PARD3: variants seen among roughly 807,000 people sequenced by gnomAD.
PARD3 encodes par-3 family cell polarity regulator, also known as partitioning defective 3 homolog.
PARD3 carries 75 observed loss-of-function variants against 155.4 expected under a neutral mutation model. The ratio of observed to expected loss-of-function variants is 0.48; its 90% confidence interval spans 0.40 to 0.58. PARD3 has a LOEUF of 0.58. PARD3 is among the 20% of genes least tolerant of loss of function. The probability of loss-of-function intolerance (pLI) is 0.00; values close to 1 mark genes in which losing one functional copy is unlikely to be tolerated. For missense variants in PARD3, 1,642 were observed against 1,721.7 expected (o/e 0.95, Z 0.82); for synonymous variants, 576 against 610.5 (o/e 0.94, Z 0.83).
intron 14 of PARD3, among the ~76,000 whole-genome samples, chr10:34,353,390 G>A (rs1838404982): frequency 6.6e-6 from 1 of 152,170 alleles, no homozygotes; most frequent in South Asian, 2.1e-4. Context: ...CTTCTGCCTT[G>A]GGATGCTGTT....
intron 23 of PARD3, among the ~76,000 whole-genome samples, chr10:34,123,830 AT>A (rs1283380120): frequency 6.6e-6 from 1 of 152,222 alleles, no homozygotes; most frequent in African/African-American, 2.4e-5. Context: ...AAAACGAAAT[AT>A]TTAATAGACA....
chr10:34,111,330 A>T lies in PARD3; in HGVS notation c.3901T>A (p.Ser1301Thr), dbSNP rs1946371239. The T allele has an allele frequency of 6.2e-7, 1 of 1,613,720 alleles. No homozygotes were observed. Among genetic ancestry groups the T allele is most frequent in the Admixed American group, 1.7e-5 (1 of 59,986 alleles). ...KEQQMKKQPP[S>T]EGPSNYDSYK... Reference sequence around the variant, plus strand: ...GAGTCATAGTTGCTGGGCCCCTCGGAAGGAGGCTGCTTCTTCATCTGCTGC... The same window carrying T: ...GAGTCATAGTTGCTGGGCCCCTCGGTAGGAGGCTGCTTCTTCATCTGCTGC... Residue 1301 changes from serine (S) to threonine (T), a missense_variant, in exon 25 of 25, where the codon TCC becomes ACC. By Grantham distance (58) the Ser-to-Thr change is moderately conservative. Around this residue, in one of 3 missense-constraint regions of PARD3, gnomAD observed 1,529 missense variants for 1,587.3 expected, o/e 0.96. Coordinates refer to ENST00000374788, the MANE Select transcript of PARD3 (RefSeq NM_001184785.2).
At chr10:34,130,069 A>G (rs1377589816) in intron 23 of PARD3, among the ~76,000 whole-genome samples, 1 of 152,092 alleles carries the variant, frequency 6.6e-6, no homozygotes, top group African/African-American at 2.4e-5. Context: ...TGTCAACTTT[A>G]TGGACACTAA....
intron 1 of PARD3, among the ~76,000 whole-genome samples, chr10:34,714,217 T>G (rs951986590): frequency 6.6e-6 from 1 of 152,166 alleles, no homozygotes; most frequent in African/African-American, 2.4e-5. Flanking sequence ...ATGACCTGAT[T>G]TTTCACAAAG....
chr10:34,298,359 C>A (rs533112834), intron 20 of PARD3, among the ~76,000 whole-genome samples: 3 of 151,986 alleles, frequency 2.0e-5, no homozygotes, highest in African/African-American at 7.3e-5. Flanking sequence ...CGTGCATCGA[C>A]GTGGGAATGG....
At chr10:34,312,076 T>A (rs1415952156) in intron 20 of PARD3, among the ~76,000 whole-genome samples, 1 of 152,124 alleles carries the variant, frequency 6.6e-6, no homozygotes, top group African/African-American at 2.4e-5. Context: ...GGACTATGGT[T>A]TTCCACTATG....
chr10:34,246,599 T>A lies in PARD3; in HGVS notation c.3419+23058A>T, dbSNP rs149141400. Among the ~76,000 whole-genome samples, 885 of 152,224 alleles carry A rather than the reference T, an allele frequency of 5.8e-3. 13 individuals are homozygous for A. Among genetic ancestry groups the A allele is most frequent in the African/African-American group, 0.02 (841 of 41,532 alleles). On this transcript the variant is annotated intron_variant, in intron 22 of 24. Coordinates refer to ENST00000374788, the MANE Select transcript of PARD3 (RefSeq NM_001184785.2). The stretch of plus-strand genomic sequence containing the variant: ...GAGCTCCAGAAATCAGCACGGGCCC[T>A]CTTCAGTCTTTGATTCCCACCCTGG...
intron 1 of PARD3, among the ~76,000 whole-genome samples, chr10:34,795,013 G>A (rs1268877517): frequency 6.6e-6 from 1 of 152,228 alleles, no homozygotes. Flanking sequence ...TGACTAATTT[G>A]GCAAATAGAA....
At chr10:34,520,435 C>T (rs1564804887) in intron 2 of PARD3, among the ~76,000 whole-genome samples, 2 of 151,238 alleles carry the variant, frequency 1.3e-5, no homozygotes, top group African/African-American at 4.9e-5. Context: ...TTAATAGTTA[C>T]AAAAAAAAGG....
intron 2 of PARD3, among the ~76,000 whole-genome samples, chr10:34,595,008 A>C (rs981890253): frequency 6.6e-6 from 1 of 152,196 alleles, no homozygotes; most frequent in Non-Finnish European, 1.5e-5. Flanking sequence ...GACAGAGCTC[A>C]GCTACAGTAG....
At position 34,460,337 on chromosome 10, in the gene PARD3, G is replaced by A. The variant is rs75898074; in HGVS notation, c.582+9748C>T. 1.2e-4 allele frequency among the ~76,000 whole-genome samples: 19 copies of A among 152,038 alleles called. No individual in the cohort carries two copies. The East Asian group carries it at 3.5e-3, about 28-fold the overall frequency. ...AAAAAAACACAATCTAACTAAAGTC[G>A]AAATAAAACAGATATTGCAACAAGA... On this transcript the variant is annotated intron_variant, in intron 4 of 24. Coordinates refer to ENST00000374788, the MANE Select transcript of PARD3 (RefSeq NM_001184785.2).
chr10:34,481,990 C>T (rs2133211851), intron 3 of PARD3, among the ~76,000 whole-genome samples: 1 of 151,092 alleles, frequency 6.6e-6, no homozygotes, highest in East Asian at 2.0e-4. Context: ...CCCCACCATG[C>T]TCAGCTACAG....
chr10:34,440,720 T>G (rs1207714160), intron 5 of PARD3, among the ~76,000 whole-genome samples: 1 of 152,034 alleles, frequency 6.6e-6, no homozygotes, highest in Non-Finnish European at 1.5e-5. Flanking sequence ...GTTGTAAAAT[T>G]TGTTTTAAAG....
chr10:34,421,596 C>T (rs1564694867), intron 5 of PARD3, among the ~76,000 whole-genome samples: 1 of 152,062 alleles, frequency 6.6e-6, no homozygotes, highest in Non-Finnish European at 1.5e-5. Flanking sequence ...TTCCTAGCTG[C>T]AAGCTCATTA....
At chr10:34,286,556 G>A (rs762382434) in intron 20 of PARD3, among the ~76,000 whole-genome samples, 18 of 152,244 alleles carry the variant, frequency 1.2e-4, no homozygotes, top group Non-Finnish European at 2.4e-4. Flanking sequence ...AAGGCCCTGA[G>A]ACACAGGCAG....
intron 3 of PARD3, among the ~76,000 whole-genome samples, chr10:34,497,451 CAGG>C (rs1246611772): frequency 6.6e-6 from 1 of 152,158 alleles, no homozygotes; most frequent in Non-Finnish European, 1.5e-5. Context: ...TTGGTATCTG[CAGG>C]AGTTCCTGGA....
intron 20 of PARD3, among the ~76,000 whole-genome samples, chr10:34,284,981 C>T (rs1479659689): frequency 6.6e-6 from 1 of 152,160 alleles, no homozygotes; most frequent in Non-Finnish European, 1.5e-5. Flanking sequence ...AAAACACTAA[C>T]ATTATTCTCT....
At chr10:34,656,411 A>G (rs1227082130) in intron 2 of PARD3, among the ~76,000 whole-genome samples, 2 of 152,260 alleles carry the variant, frequency 1.3e-5, no homozygotes, top group Non-Finnish European at 2.9e-5. Flanking sequence ...ATTAATTAAA[A>G]CTTGGCACAG....
chr10:34,698,888 T>TA (rs2094222890), intron 1 of PARD3, among the ~76,000 whole-genome samples: 2 of 152,340 alleles, frequency 1.3e-5, no homozygotes, highest in South Asian at 2.1e-4. Flanking sequence ...AAATTTTTTT[T>TA]AAAAATTGTC....
Sources: gnomAD v4.1 joint callset for allele counts (sites outside exome capture counted in the v4.1 genomes callset) on GRCh38, gnomAD v4.1.1 for gene constraint, gnomAD v4.1.1 regional missense constraint, MANE v1.5 for transcripts, NCBI Gene and HGNC (gene_info 2026-07-23, HGNC 2026-07-21) for gene names.